Variants in TBC1D32 observed in about 807,000 individuals in gnomAD.
The protein encoded by TBC1D32 is TBC1 domain family member 32.
A neutral mutation model predicts 170.3 loss-of-function variants in TBC1D32; 151 were observed. The observed-to-expected ratio is 0.89, with a 90% CI of 0.78 to 1.01. The LOEUF is 1.01. Among genes scored for constraint, TBC1D32 ranks in the 50% least tolerant of loss-of-function variants. TBC1D32 has a pLI of 0.00. For missense variants in TBC1D32, 1,464 were observed against 1,457.1 expected, an observed-to-expected ratio of 1.00 and a Z score of -0.08; for synonymous variants, 498 against 488.0, an observed-to-expected ratio of 1.02 and a Z score of -0.27.
At chr6:121,315,473 T>C (rs892989245) in intron 3 of TBC1D32, among the ~76,000 whole-genome samples, 1 of 152,192 alleles carries the variant, frequency 6.6e-6, no homozygotes, top group African/African-American at 2.4e-5. Flanking sequence ...ATACTTACAC[T>C]AACAGTCTCC....
chr6:121,281,546 C>T lies in TBC1D32; in HGVS notation c.1606G>A (p.Glu536Lys). The change falls in exon 14 of 32, where the codon GAG (glutamate) becomes AAG (lysine). Residue 536 changes from glutamate to lysine, a missense_variant and splice_region_variant. This residue lies in a region of TBC1D32 where 1,363 missense variants were observed against 1,338.1 expected (regional missense o/e 1.02). Coordinates refer to ENST00000398212, the MANE Select transcript of TBC1D32 (RefSeq NM_152730.6). ...TCTCCTTAGTAAATAATACGAACCT[C>T]ATTTCCTTTCATTAAATTGTGAATA... ...QPIHNLMKGN[E>K]ASPNCSETAL... 3 of 1,604,886 alleles carry T rather than the reference C, an allele frequency of 1.9e-6. No individual in the cohort carries two copies. Among genetic ancestry groups the T allele is most frequent in the Non-Finnish European group, 2.6e-6 (3 of 1,175,110 alleles).
chr6:121,204,853 G>A (rs1419677039), intron 22 of TBC1D32, among the ~76,000 whole-genome samples: 34 of 152,144 alleles, frequency 2.2e-4, no homozygotes, highest in African/African-American at 8.2e-4. Context: ...GGGAATGGGA[G>A]ACACTATAAT....
intron 22 of TBC1D32, among the ~76,000 whole-genome samples, chr6:121,173,753 A>C (rs1787387253): frequency 6.6e-6 from 1 of 152,076 alleles, no homozygotes; most frequent in Non-Finnish European, 1.5e-5. Context: ...AAAAGGAGCA[A>C]ACACACACAT....
At chr6:121,191,047 A>C (rs1386736764) in intron 22 of TBC1D32, among the ~76,000 whole-genome samples, 6 of 1,356 alleles carry the variant, frequency 4.4e-3, no homozygotes, top group African/African-American at 4.9e-3. Context: ...GTATGCATAT[A>C]TATATATATA....
intron 17 of TBC1D32, among the ~76,000 whole-genome samples, chr6:121,250,311 G>A (rs1280269023): frequency 6.6e-6 from 1 of 152,068 alleles, no homozygotes; most frequent in Non-Finnish European, 1.5e-5. Flanking sequence ...CAATATCCCT[G>A]ATGAACATGG....
intron 24 of TBC1D32, among the ~76,000 whole-genome samples, chr6:121,144,486 C>T (rs544948480): frequency 6.6e-6 from 1 of 152,122 alleles, no homozygotes; most frequent in South Asian, 2.1e-4. Context: ...GGTATAAAGA[C>T]AGAGACGAGT....
intron 1 of TBC1D32, among the ~76,000 whole-genome samples, chr6:121,328,418 G>A (rs1232910275): frequency 1.3e-5 from 2 of 151,340 alleles, no homozygotes; most frequent in East Asian, 1.9e-4. Context: ...ACCGAGTAGC[G>A]ACGACTACAG....
intron 21 of TBC1D32, among the ~76,000 whole-genome samples, chr6:121,205,389 T>C (rs764589629): frequency 1.3e-5 from 2 of 152,162 alleles, no homozygotes; most frequent in Middle Eastern, 3.2e-3. Context: ...GTGGCCTAGA[T>C]TTACATTAGG....
At chr6:121,309,799 CAAGG>C (rs1440466243) in intron 4 of TBC1D32, among the ~76,000 whole-genome samples, 5 of 152,174 alleles carry the variant, frequency 3.3e-5, no homozygotes, top group Middle Eastern at 3.4e-3. Context: ...TTTGGGAGGC[CAAGG>C]GAGGTGGATC....
chr6:121,147,144 C>G (rs780810211), intron 24 of TBC1D32, among the ~76,000 whole-genome samples: 4 of 152,182 alleles, frequency 2.6e-5, no homozygotes, highest in Non-Finnish European at 4.4e-5. Context: ...CTGCAAAGGA[C>G]ATGATTTCAT....
At chr6:121,317,820 AAAG>A (rs1399877088) in intron 2 of TBC1D32, 148 bp from the exon 3 acceptor site, 4 of 510,132 alleles carry the variant, frequency 7.8e-6, no homozygotes, top group East Asian at 3.3e-5. Context: ...AATTTTTCTT[AAAG>A]AAGAAGTGGT....
chr6:121,149,606 A>G lies in TBC1D32; in HGVS notation c.2773+10404T>C, dbSNP rs138963576. 7.2e-3 allele frequency among the ~76,000 whole-genome samples: 1,089 copies of G among 152,092 alleles called. 19 individuals carry two copies. The highest frequency in any genetic ancestry group is 0.025 in the African/African-American group (1,042 of 41,464). ...ATTTCTGAGGCCTCTGTTCTGTTCC[A>G]TTGGTCTATATATTTGTTTTGGTAC... On this transcript the variant is annotated intron_variant, in intron 24 of 31. Transcript: ENST00000398212.
chr6:121,241,472 T>C lies in TBC1D32; in HGVS notation c.2238A>G (p.Lys746=). The C allele has an allele frequency of 6.2e-7, 1 of 1,612,644 alleles. No homozygotes were observed. The highest frequency in any genetic ancestry group is 1.1e-5 in the South Asian group (1 of 90,776). ...TGAAAAGAAAACATTTACCTGACTTTTTTAGTGCAATGCCACCTGCTGCTG... is the reference window on the plus strand; with the variant it reads ...TGAAAAGAAAACATTTACCTGACTTCTTTAGTGCAATGCCACCTGCTGCTG... ...ASTAAGGIAL[K]KSGFINELIT... The change falls in exon 19 of 32, where the codon AAA becomes AAG. Residue 746 remains lysine (K), a synonymous_variant. Coordinates refer to ENST00000398212, the MANE Select transcript of TBC1D32 (RefSeq NM_152730.6).
At chr6:121,287,739 C>A (rs1322155509) in intron 12 of TBC1D32, among the ~76,000 whole-genome samples, 1 of 152,098 alleles carries the variant, frequency 6.6e-6, no homozygotes, top group African/African-American at 2.4e-5. Context: ...CCAAATTGAC[C>A]ACATAGTTGG....
intron 22 of TBC1D32, among the ~76,000 whole-genome samples, chr6:121,189,203 C>T (rs1006480329): frequency 2.0e-5 from 3 of 151,860 alleles, no homozygotes; most frequent in African/African-American, 7.3e-5. Context: ...TCAGTTTAAC[C>T]ATAGGAAACT....
chr6:121,263,426 C>A (rs1440090191), intron 15 of TBC1D32, among the ~76,000 whole-genome samples: 1 of 152,098 alleles, frequency 6.6e-6, no homozygotes, highest in Non-Finnish European at 1.5e-5. Flanking sequence ...TATAGGAGCA[C>A]CCAGTTTGAT....
chr6:121,130,990 T>C (rs1376573729), intron 25 of TBC1D32, among the ~76,000 whole-genome samples: 2 of 152,148 alleles, frequency 1.3e-5, no homozygotes, highest in Admixed American at 6.5e-5. Flanking sequence ...AAAACTTTTC[T>C]ATGAAAACTA....
intron 3 of TBC1D32, among the ~76,000 whole-genome samples, chr6:121,313,107 T>G (rs1178206514): frequency 3.4e-3 from 3 of 872 alleles, no homozygotes; most frequent in Non-Finnish European, 4.6e-3. Context: ...GCTAAGGTGG[T>G]GTGTGTGTGT....
intron 31 of TBC1D32, among the ~76,000 whole-genome samples, chr6:121,085,250 T>C (rs905044016): frequency 0.012 from 1,651 of 142,644 alleles, 10 homozygotes; most frequent in South Asian, 0.041. Flanking sequence ...TACATACGTA[T>C]ATATATACAC....
Sources: gnomAD v4.1 joint callset for allele counts (sites outside exome capture counted in the v4.1 genomes callset) on GRCh38, gnomAD v4.1.1 for gene constraint, gnomAD v4.1.1 regional missense constraint, MANE v1.5 for transcripts, NCBI Gene and HGNC (gene_info 2026-07-23, HGNC 2026-07-21) for gene names.